MYT1L: variants seen among roughly 807,000 people sequenced by gnomAD.
MYT1L encodes the protein myelin transcription factor 1-like protein.
A neutral mutation model predicts 126.7 loss-of-function variants in MYT1L; 12 were observed. The ratio of observed to expected loss-of-function variants is 0.09; its 90% CI spans 0.06 to 0.15. The LOEUF (loss-of-function observed/expected upper bound fraction) is 0.15, where lower values mean the gene tolerates loss of function less well. Among genes scored for constraint, MYT1L ranks in the 10% least tolerant of loss-of-function variants. MYT1L has a pLI of 1.00. For missense variants in MYT1L, 979 were observed against 1,585.2 expected, an observed-to-expected ratio of 0.62 and a Z score of 6.49; for synonymous variants, 541 against 604.2, an observed-to-expected ratio of 0.90 and a Z score of 1.53.
At chr2:2,210,419 T>C (rs2093465313) in intron 2 of MYT1L, among the ~76,000 whole-genome samples, 1 of 152,214 alleles carries the variant, frequency 6.6e-6, no homozygotes, top group East Asian at 1.9e-4. Context: ...AATTTGATTT[T>C]TGTATAAAGC....
intron 3 of MYT1L, among the ~76,000 whole-genome samples, chr2:2,072,950 T>C (rs1487125355): frequency 2.0e-5 from 3 of 152,124 alleles, no homozygotes; most frequent in African/African-American, 7.2e-5. Flanking sequence ...CAATGCAAAC[T>C]CCAAGACCAA....
chr2:2,181,700 C>T (rs754240283), intron 2 of MYT1L, among the ~76,000 whole-genome samples: 2 of 152,168 alleles, frequency 1.3e-5, no homozygotes, highest in Non-Finnish European at 2.9e-5. Flanking sequence ...CCCCTGCTCT[C>T]TAAACCTGCA....
chr2:1,945,599 A>G (rs1256590900), intron 8 of MYT1L, among the ~76,000 whole-genome samples: 2 of 152,154 alleles, frequency 1.3e-5, no homozygotes, highest in Non-Finnish European at 2.9e-5. Flanking sequence ...TTATACATTA[A>G]CATCATCAGC....
intron 9 of MYT1L, among the ~76,000 whole-genome samples, chr2:1,930,431 C>G (rs2054799321): frequency 6.6e-6 from 1 of 152,174 alleles, no homozygotes; most frequent in Non-Finnish European, 1.5e-5. Flanking sequence ...CCACCTTGAT[C>G]TCCTTTTTTC....
chr2:2,286,388 A>G (rs999150183), intron 1 of MYT1L, among the ~76,000 whole-genome samples: 7 of 152,314 alleles, frequency 4.6e-5, no homozygotes, highest in African/African-American at 1.4e-4. Context: ...TTCCAGGACA[A>G]TGTCATTCAT....
intron 3 of MYT1L, among the ~76,000 whole-genome samples, chr2:2,072,255 T>C (rs547856494): frequency 6.6e-6 from 1 of 152,196 alleles, no homozygotes; most frequent in Non-Finnish European, 1.5e-5. Flanking sequence ...TCATTCTCTC[T>C]TGGAAACAGT....
chr2:2,004,308 T>TTCTTTCCTGCATGCGC (rs1324263109), intron 4 of MYT1L, among the ~76,000 whole-genome samples: 9 of 143,746 alleles, frequency 6.3e-5, no homozygotes, highest in Admixed American at 2.1e-4. Flanking sequence ...CCTGCATGCG[T>TTCTTTCCTGCATGCGC]TCTTTCCTGC....
chr2:2,189,929 G>T (rs1336455301), intron 2 of MYT1L, among the ~76,000 whole-genome samples: 2 of 151,952 alleles, frequency 1.3e-5, no homozygotes, highest in Non-Finnish European at 2.9e-5. Context: ...GACGCACGGG[G>T]AGAAGCGCCT....
chr2:1,949,981 C>T (rs751292593), intron 8 of MYT1L, among the ~76,000 whole-genome samples: 10 of 152,106 alleles, frequency 6.6e-5, no homozygotes, highest in Non-Finnish European at 1.2e-4. Context: ...TCTGGAGCAC[C>T]GGTTTTCAAC....
intron 2 of MYT1L, among the ~76,000 whole-genome samples, chr2:2,212,939 T>C (rs2093571139): frequency 6.6e-6 from 1 of 152,162 alleles, no homozygotes; most frequent in Admixed American, 6.5e-5. Context: ...AAGCTGGCCA[T>C]CTGTCTTTCA....
chr2:1,951,749 A>G (rs2057771607), intron 8 of MYT1L, among the ~76,000 whole-genome samples: 1 of 152,170 alleles, frequency 6.6e-6, no homozygotes, highest in Admixed American at 6.5e-5. Flanking sequence ...GAAACACCCA[A>G]CGACTAGCAA....
chr2:1,957,410 T>C (rs1424593760), intron 8 of MYT1L, among the ~76,000 whole-genome samples: 1 of 151,556 alleles, frequency 6.6e-6, no homozygotes, highest in Non-Finnish European at 1.5e-5. Context: ...CTTTTATCCC[T>C]CCCCCTCCCC....
At chr2:2,174,648 C>G (rs920154846) in intron 2 of MYT1L, among the ~76,000 whole-genome samples, 4 of 150,872 alleles carry the variant, frequency 2.7e-5, no homozygotes, top group Admixed American at 1.3e-4. Context: ...TTATTTTGAC[C>G]TTTTTAACTG....
At chr2:2,011,137 C>G (rs1306466190) in intron 4 of MYT1L, among the ~76,000 whole-genome samples, 1 of 152,144 alleles carries the variant, frequency 6.6e-6, no homozygotes, top group African/African-American at 2.4e-5. Context: ...GCCTGTCATC[C>G]CAGCACTTTG....
At chr2:2,172,555 A>T (rs926096419) in intron 3 of MYT1L, among the ~76,000 whole-genome samples, 1 of 152,266 alleles carries the variant, frequency 6.6e-6, no homozygotes, top group African/African-American at 2.4e-5. Flanking sequence ...ATTTACTCAA[A>T]GCAGCAAATG....
At chr2:2,156,599 A>G (rs1305736291) in intron 3 of MYT1L, among the ~76,000 whole-genome samples, 1 of 152,250 alleles carries the variant, frequency 6.6e-6, no homozygotes, top group African/African-American at 2.4e-5. Flanking sequence ...TGGTGCCATT[A>G]AAGTGTTTTT....
chr2:1,981,017 C>G lies in MYT1L; in HGVS notation c.1-1240G>C, dbSNP rs1365199078. On this transcript the variant is annotated intron_variant, in intron 5 of 24. Transcript: ENST00000647738. The stretch of plus-strand genomic sequence containing the variant: ...GAACATCGGGACTGAGTGAAGAAGA[C>G]TCATTAGATGCCTGTGGCTCTATTC... 3.3e-5 allele frequency among the ~76,000 whole-genome samples: 5 copies of G among 152,024 alleles called. No homozygotes were observed. In the East Asian group the frequency reaches 9.7e-4, roughly 29 times the overall value.
At chr2:1,888,439 C>T (rs371790346) in intron 16 of MYT1L, among the ~76,000 whole-genome samples, 4 of 152,140 alleles carry the variant, frequency 2.6e-5, no homozygotes, top group East Asian at 1.9e-4. Flanking sequence ...TAAGCAGGTG[C>T]CCTCTCTGCC....
At chr2:2,178,327 T>C (rs1215317764) in intron 2 of MYT1L, among the ~76,000 whole-genome samples, 3 of 152,176 alleles carry the variant, frequency 2.0e-5, no homozygotes. Context: ...ACAATATAGT[T>C]GAAGACAGGC....
Sources: allele counts gnomAD v4.1 joint callset (sites outside exome capture counted in the v4.1 genomes callset), GRCh38; gene constraint gnomAD v4.1.1; transcripts MANE v1.5; gene names NCBI Gene and HGNC (gene_info 2026-07-23, HGNC 2026-07-21).